Variants in CELF4 observed in about 807,000 individuals in gnomAD.
CELF4 encodes the protein CUG-BP- and ETR-3-like factor 4.
In CELF4, 18 loss-of-function variants were observed where a neutral mutation model predicts 59.9. That is an observed-to-expected ratio of 0.30 (90% CI 0.21 to 0.45). The LOEUF (loss-of-function observed/expected upper bound fraction) is 0.45, where lower values mean the gene tolerates loss of function less well. Among genes scored for constraint, CELF4 ranks in the 20% least tolerant of loss-of-function variants. The pLI, the probability that CELF4 is intolerant of heterozygous loss-of-function variation, is 1.00. For missense variants in CELF4, 456 were observed against 689.0 expected, an observed-to-expected ratio of 0.66 and a Z score of 3.79; for synonymous variants, 261 against 267.1, an observed-to-expected ratio of 0.98 and a Z score of 0.22.
chr18:37,385,021 C>T (rs1265500981), intron 2 of CELF4, among the ~76,000 whole-genome samples: 1 of 152,188 alleles, frequency 6.6e-6, no homozygotes, highest in Non-Finnish European at 1.5e-5. Context: ...TTATATTTGT[C>T]AGGCTGTGTG....
At chr18:37,296,338 G>C (rs1414443463) in intron 3 of CELF4, among the ~76,000 whole-genome samples, 3 of 152,104 alleles carry the variant, frequency 2.0e-5, no homozygotes, top group African/African-American at 7.2e-5. Context: ...TGGCATTACA[G>C]GTGCATGCCA....
chr18:37,397,595 C>T (rs2099261104), intron 2 of CELF4, among the ~76,000 whole-genome samples: 1 of 152,170 alleles, frequency 6.6e-6, no homozygotes, highest in Non-Finnish European at 1.5e-5. Flanking sequence ...CTCTGAGCTA[C>T]TCCTGGCCAC....
At position 37,470,836 on chromosome 18, in the gene CELF4, CTGTGTGTGTGTGTGTGTGTGTGTG is replaced by C. The variant is rs71381583; in HGVS notation, c.369+14665_369+14688del. 1.9e-3 allele frequency among the ~76,000 whole-genome samples: 180 copies of C among 93,196 alleles called. 1 individual carries two copies. The highest frequency in any genetic ancestry group is 2.8e-3 in the Non-Finnish European group (138 of 49,162). The allele number at this position is 93,196 out of a possible 152,430, so 61.1% of individuals were successfully genotyped here. A position where few individuals can be genotyped will look rare whatever the true frequency, so the allele number is the denominator to read the frequency against. Reference sequence around the variant, plus strand: ...AGGCAGATCCTGACTCTTCATGACTCTGTGTGTGTGTGTGTGTGTGTGTGTGTGTGTGTGTGTGTGTGTGTGTGT... The same window carrying C: ...AGGCAGATCCTGACTCTTCATGACTCTGTGTGTGTGTGTGTGTGTGTGTGT... On this transcript the variant is annotated intron_variant, in intron 2 of 12. Transcript: ENST00000420428.
chr18:37,345,434 G>A (rs1173922208), intron 2 of CELF4, among the ~76,000 whole-genome samples: 1 of 152,130 alleles, frequency 6.6e-6, no homozygotes. Context: ...GCCTCTCTGT[G>A]AGCTTTGGGT....
At chr18:37,330,907 C>G (rs1009564333) in intron 2 of CELF4, among the ~76,000 whole-genome samples, 12 of 152,216 alleles carry the variant, frequency 7.9e-5, no homozygotes, top group African/African-American at 2.9e-4. Flanking sequence ...TGGCGATCAT[C>G]ATTTAGAGAG....
intron 2 of CELF4, among the ~76,000 whole-genome samples, chr18:37,353,749 CG>C (rs369159050): frequency 9.2e-4 from 18 of 19,522 alleles, no homozygotes; most frequent in African/African-American, 3.2e-3. Flanking sequence ...CTGGTGGGGG[CG>C]GGGGGGGCAG....
rs553669198 is a variant in CELF4 at position 37,327,142 on chromosome 18, G to A, written c.370-5261C>T. ...GACAGACAGAAAGACAGGCCAAGCTGCTCTTTCCTGACTCCCTCCCAACCT... is the reference window on the plus strand; with the variant it reads ...GACAGACAGAAAGACAGGCCAAGCTACTCTTTCCTGACTCCCTCCCAACCT... On this transcript the variant is annotated intron_variant, in intron 2 of 12. Transcript: ENST00000420428. Among the ~76,000 whole-genome samples the A allele has an allele frequency of 1.2e-4, 19 of 152,210 alleles. 2 individuals are homozygous for A. The South Asian group carries it at 3.9e-3, about 32-fold the overall frequency.
At chr18:37,450,349 G>A (rs1011065005) in intron 2 of CELF4, among the ~76,000 whole-genome samples, 1 of 151,372 alleles carries the variant, frequency 6.6e-6, no homozygotes, top group African/African-American at 2.4e-5. Context: ...TCTCTCTGTC[G>A]ATCTCTGCAC....
chr18:37,524,492 C>A (rs1023646057), intron 1 of CELF4, among the ~76,000 whole-genome samples: 6 of 152,300 alleles, frequency 3.9e-5, no homozygotes, highest in Non-Finnish European at 7.4e-5. Flanking sequence ...CACCTCCCCG[C>A]TTTTTTTATT....
chr18:37,516,589 G>T (rs912270724), intron 1 of CELF4, among the ~76,000 whole-genome samples: 4 of 152,224 alleles, frequency 2.6e-5, no homozygotes, highest in African/African-American at 9.7e-5. Flanking sequence ...TGTGGACCAG[G>T]CACTGTGGTC....
chr18:37,382,011 T>A (rs538449941), intron 2 of CELF4, among the ~76,000 whole-genome samples: 2 of 152,338 alleles, frequency 1.3e-5, no homozygotes, highest in African/African-American at 4.8e-5. Context: ...CTGAAAGTTG[T>A]AACTAGAGTT....
chr18:37,299,754 G>A (rs1019550233), intron 3 of CELF4, among the ~76,000 whole-genome samples: 1 of 152,226 alleles, frequency 6.6e-6, no homozygotes, highest in Non-Finnish European at 1.5e-5. Context: ...ATTGCACAGG[G>A]TTTTCTGGAA....
chr18:37,290,804 C>G (rs1443019583), intron 3 of CELF4, among the ~76,000 whole-genome samples: 1 of 152,220 alleles, frequency 6.6e-6, no homozygotes, highest in East Asian at 1.9e-4. Context: ...GAGGCCTAGA[C>G]TGAGAGCTGT....
chr18:37,250,846 T>C (rs962974473), intron 12 of CELF4, among the ~76,000 whole-genome samples: 1 of 152,150 alleles, frequency 6.6e-6, no homozygotes, highest in African/African-American at 2.4e-5. Flanking sequence ...TAAAATACTG[T>C]CTAAATGAAA....
intron 2 of CELF4, among the ~76,000 whole-genome samples, chr18:37,329,544 C>T (rs1362102727): frequency 6.6e-6 from 1 of 152,234 alleles, no homozygotes; most frequent in African/African-American, 2.4e-5. Flanking sequence ...TTTTGGCTGG[C>T]CAGATGTGGC....
At chr18:37,439,026 C>T (rs998203189) in intron 2 of CELF4, among the ~76,000 whole-genome samples, 3 of 152,166 alleles carry the variant, frequency 2.0e-5, no homozygotes, top group Non-Finnish European at 2.9e-5. Context: ...AAATTGCCTC[C>T]ACCTGAGAGC....
chr18:37,429,600 C>G (rs767377280), intron 2 of CELF4, among the ~76,000 whole-genome samples: 6 of 152,172 alleles, frequency 3.9e-5, no homozygotes, highest in Non-Finnish European at 7.3e-5. Context: ...GTAGTGCTAC[C>G]TCATGCAGGG....
At chr18:37,378,365 G>C (rs748866965) in intron 2 of CELF4, among the ~76,000 whole-genome samples, 1 of 152,190 alleles carries the variant, frequency 6.6e-6, no homozygotes, top group Non-Finnish European at 1.5e-5. Flanking sequence ...CCCAGGGAGG[G>C]GGCAGGCACA....
intron 2 of CELF4, among the ~76,000 whole-genome samples, chr18:37,458,658 T>C (rs1488731428): frequency 1.3e-5 from 2 of 152,196 alleles, no homozygotes; most frequent in Non-Finnish European, 2.9e-5. Context: ...GGCTCGTCAC[T>C]GGCTTTAGAG....
Sources: gnomAD v4.1 joint callset for allele counts (sites outside exome capture counted in the v4.1 genomes callset) on GRCh38, gnomAD v4.1.1 for gene constraint, MANE v1.5 for transcripts, NCBI Gene and HGNC (gene_info 2026-07-23, HGNC 2026-07-21) for gene names.